Variants in SYT16 observed in about 807,000 individuals in gnomAD.
SYT16 encodes the protein synaptotagmin 16.
SYT16 carries 42 observed loss-of-function variants against 61.4 expected under a neutral mutation model. The ratio of observed to expected loss-of-function variants is 0.68; its 90% CI spans 0.53 to 0.89. SYT16 has a LOEUF of 0.89. Among genes scored for constraint, SYT16 ranks in the 40% least tolerant of loss-of-function variants. SYT16 has a pLI of 0.00. For synonymous variants in SYT16, 314 were observed against 302.3 expected (o/e 1.04, Z -0.40); for missense variants, 804 against 807.3 (o/e 1.00, Z 0.05).
intron 1 of SYT16, among the ~76,000 whole-genome samples, chr14:61,873,790 A>G (rs1460084492): frequency 6.6e-6 from 1 of 152,234 alleles, no homozygotes; most frequent in East Asian, 1.9e-4. Context: ...TATGATAGCC[A>G]AAAGTAGGAT....
At chr14:62,097,880 G>T (rs1028767164) in intron 7 of SYT16, among the ~76,000 whole-genome samples, 3 of 152,150 alleles carry the variant, frequency 2.0e-5, no homozygotes, top group African/African-American at 4.8e-5. Context: ...AATCAGTTTG[G>T]TGACTGGACT....
At chr14:61,865,243 C>G (rs1395334389) in intron 1 of SYT16, 1 of 924,886 alleles carries the variant, frequency 1.1e-6, no homozygotes, top group African/African-American at 1.6e-5. Context: ...TGCTGGACAT[C>G]AGGCCTAAGA....
intron 7 of SYT16, among the ~76,000 whole-genome samples, chr14:62,093,883 C>A (rs1057002704): frequency 6.6e-6 from 1 of 152,070 alleles, no homozygotes; most frequent in Non-Finnish European, 1.5e-5. Context: ...GGGCTTCACA[C>A]AGCAAAAGCT....
At chr14:62,045,959 T>A (rs2054961887) in intron 3 of SYT16, among the ~76,000 whole-genome samples, 1 of 152,216 alleles carries the variant, frequency 6.6e-6, no homozygotes, top group African/African-American at 2.4e-5. Context: ...ATCCTTTGGG[T>A]ATATACCCAG....
At chr14:62,024,768 A>C (rs999422833) in intron 3 of SYT16, among the ~76,000 whole-genome samples, 2 of 152,064 alleles carry the variant, frequency 1.3e-5, no homozygotes, top group South Asian at 4.2e-4. Flanking sequence ...GCTTTAAAAA[A>C]TCTTCTGTGC....
chr14:62,038,015 A>G (rs1254913), intron 3 of SYT16, among the ~76,000 whole-genome samples: 73,698 of 151,924 alleles, frequency 0.49, 18,207 homozygotes, highest in Middle Eastern at 0.55. Context: ...TTGATTAAGC[A>G]GATGGATTTG....
At chr14:61,829,912 C>T (rs1355276370) in intron 1 of SYT16, among the ~76,000 whole-genome samples, 2 of 152,110 alleles carry the variant, frequency 1.3e-5, no homozygotes, top group Non-Finnish European at 2.9e-5. Context: ...CCTTGGCCTC[C>T]CAAAGTGCTG....
intron 3 of SYT16, among the ~76,000 whole-genome samples, chr14:62,041,435 C>G (rs2054726497): frequency 6.6e-6 from 1 of 152,160 alleles, no homozygotes; most frequent in Admixed American, 6.5e-5. Context: ...CACCATTTTT[C>G]TCAGGCTTAG....
At chr14:61,843,682 T>C (rs1276050291) in intron 1 of SYT16, among the ~76,000 whole-genome samples, 4 of 152,226 alleles carry the variant, frequency 2.6e-5, no homozygotes, top group African/African-American at 9.6e-5. Context: ...CAGTGTATGC[T>C]CTTGGCACCT....
At position 61,927,047 on chromosome 14, in the gene SYT16, A is replaced by C. The variant is rs368984957; in HGVS notation, c.-324-43085A>C. ...ACAGGAAAATTAAAAATCTGTTACA[A>C]CTCAGCAACAGTGGTCCTTCATCCC... On this transcript the variant is annotated intron_variant, in intron 1 of 7. Coordinates refer to ENST00000683842, the MANE Select transcript of SYT16 (RefSeq NM_001367656.1). 3.5e-4 allele frequency among the ~76,000 whole-genome samples: 54 copies of C among 152,352 alleles called. 1 individual carries two copies. The highest frequency in any genetic ancestry group is 1.2e-3 in the African/African-American group (50 of 41,590).
At chr14:62,017,154 T>G (rs1246248722) in intron 3 of SYT16, among the ~76,000 whole-genome samples, 6 of 152,210 alleles carry the variant, frequency 3.9e-5, no homozygotes, top group Admixed American at 3.9e-4. Context: ...AAAACTGATA[T>G]TCATCAAATA....
At chr14:62,081,330 G>A (rs2056700982) in intron 6 of SYT16, 56 bp downstream of exon 6, 6 of 1,531,448 alleles carry the variant, frequency 3.9e-6, no homozygotes, top group East Asian at 4.6e-5. Flanking sequence ...ACCTGGGATT[G>A]TCAGCCCTTG....
chr14:61,963,139 C>G (rs1279079142), intron 1 of SYT16, among the ~76,000 whole-genome samples: 1 of 152,122 alleles, frequency 6.6e-6, no homozygotes, highest in African/African-American at 2.4e-5. Flanking sequence ...TTCCTTGAGA[C>G]ACAACAATAT....
At chr14:61,854,272 T>C (rs2046708710) in intron 1 of SYT16, among the ~76,000 whole-genome samples, 1 of 152,250 alleles carries the variant, frequency 6.6e-6, no homozygotes. Context: ...ATCTAGTGAT[T>C]ATCTTGTAAA....
chr14:62,077,124 C>G (rs903604047), intron 5 of SYT16, among the ~76,000 whole-genome samples: 4 of 152,242 alleles, frequency 2.6e-5, no homozygotes, highest in African/African-American at 7.2e-5. Context: ...ATTGAGAACT[C>G]TGTCTTCCCC....
chr14:61,982,492 T>C (rs192713909), intron 2 of SYT16, among the ~76,000 whole-genome samples: 8 of 152,236 alleles, frequency 5.3e-5, no homozygotes, highest in Admixed American at 4.6e-4. Flanking sequence ...CTCATGAGAC[T>C]TATTCACTAC....
In SYT16 at chr14:61,865,326, G is replaced by A. The variant is rs2047112801; in HGVS notation, c.-325+52516G>A. The A allele has an allele frequency of 4.2e-6, 3 of 708,236 alleles. No individual in the cohort carries two copies. The South Asian group carries it at 4.4e-5, about 10-fold the overall frequency. The allele number at this position is 708,236 out of a possible 1,614,324, so 43.9% of individuals were successfully genotyped here. A position where few individuals can be genotyped will look rare whatever the true frequency, so the allele number is the denominator to read the frequency against. ...AACGCAGGGATGCGGAGAGCCTGAA[G>A]CTCTTAGGAGAAGCAGTCCGGAAAG... On this transcript the variant is annotated intron_variant, in intron 1 of 7. Transcript: ENST00000683842.
Position 62,016,837 on chromosome 14 carries a change from A to T in SYT16, c.523+20295A>T, listed in dbSNP as rs117303327. 3.9e-4 allele frequency among the ~76,000 whole-genome samples: 60 copies of T among 152,276 alleles called. No individual in the cohort carries two copies. In the East Asian group the frequency reaches 8.7e-3, roughly 22 times the overall value. On this transcript the variant is annotated intron_variant, in intron 3 of 7. Coordinates refer to ENST00000683842, the MANE Select transcript of SYT16 (RefSeq NM_001367656.1). Reference sequence around the variant, plus strand: ...TATGTTAACTTTATCTCTATTTCTGATGTACATATTTGAGCTCTCCTGCTA... The same window carrying T: ...TATGTTAACTTTATCTCTATTTCTGTTGTACATATTTGAGCTCTCCTGCTA...
At position 62,075,220 on chromosome 14, in the gene SYT16, A is replaced by G; in HGVS notation, c.822A>G (p.Pro274=). 5 of 1,613,744 alleles carry G rather than the reference A, an allele frequency of 3.1e-6. No homozygotes were observed. Among genetic ancestry groups the G allele is most frequent in the South Asian group, 2.2e-5 (2 of 91,068 alleles). The change falls in exon 5 of 8, where the codon CCA becomes CCG. Residue 274 remains proline (P), a synonymous_variant. Coordinates refer to ENST00000683842, the MANE Select transcript of SYT16 (RefSeq NM_001367656.1). ...ACATCCCTGCTCACTCACAGTCCCC[A>G]TGTGAAAGAGGGGATGCCAAACACC... is the stretch of plus-strand genomic sequence containing the variant. ...DDHIPAHSQS[P]CERGDAKHHG...
Sources: allele counts gnomAD v4.1 joint callset (sites outside exome capture counted in the v4.1 genomes callset), GRCh38; gene constraint gnomAD v4.1.1; transcripts MANE v1.5; gene names NCBI Gene and HGNC (gene_info 2026-07-23, HGNC 2026-07-21).